Variants in CUX1 observed in about 807,000 individuals in gnomAD.
The protein encoded by CUX1 is protein CASP.
A neutral mutation model predicts 158.8 loss-of-function variants in CUX1; 31 were observed. That is an observed-to-expected ratio of 0.20 (90% CI 0.15 to 0.26). The LOEUF (loss-of-function observed/expected upper bound fraction) is 0.26, where lower values mean the gene tolerates loss of function less well. CUX1 is among the 10% of genes least tolerant of loss of function. The pLI is 1.00. For synonymous variants in CUX1, 879 were observed against 862.1 expected (o/e 1.02, Z -0.34); for missense variants, 1,589 against 2,014.6 (o/e 0.79, Z 4.04).
At chr7:101,958,230 A>AAATGAC (rs1810003873) in intron 2 of CUX1, among the ~76,000 whole-genome samples, 2 of 152,252 alleles carry the variant, frequency 1.3e-5, no homozygotes, top group African/African-American at 2.4e-5. Flanking sequence ...CAGGTAACAG[A>AAATGAC]AATGACAGCG....
At chr7:101,865,387 G>A (rs1293655435) in intron 1 of CUX1, among the ~76,000 whole-genome samples, 1 of 152,220 alleles carries the variant, frequency 6.6e-6, no homozygotes, top group Non-Finnish European at 1.5e-5. Context: ...TGATGTGGTG[G>A]AGGCACTGAT....
At chr7:101,817,202 G>A (rs1262456608), upstream of CUX1, 1 of 984,298 alleles carries the variant, frequency 1.0e-6, no homozygotes, top group South Asian at 4.7e-5. The surrounding 1 kb of genome is among the most constrained non-coding windows in gnomAD (Gnocchi z 4.1). Context: ...TGCCCGGGCA[G>A]TGTACGCTGC....
intron 21 of CUX1, among the ~76,000 whole-genome samples, chr7:102,228,514 G>T (rs1554529509): frequency 6.6e-6 from 1 of 152,046 alleles, no homozygotes; most frequent in African/African-American, 2.4e-5. Context: ...TAAAAATTAG[G>T]CCGGGCATAG....
chr7:101,977,509 G>A (rs918912378), intron 2 of CUX1, among the ~76,000 whole-genome samples: 1 of 152,142 alleles, frequency 6.6e-6, no homozygotes, highest in African/African-American at 2.4e-5. Context: ...AGGCATGATG[G>A]TGCACACCTG....
chr7:102,199,187 G>A (rs531763061), intron 16 of CUX1, among the ~76,000 whole-genome samples: 17 of 152,248 alleles, frequency 1.1e-4, no homozygotes, highest in African/African-American at 1.4e-4. Context: ...AAATAACAGC[G>A]GTTGCTCTGA....
intron 14 of CUX1, among the ~76,000 whole-genome samples, chr7:102,263,604 CTG>C (rs1790577507): frequency 2.6e-5 from 4 of 152,014 alleles, no homozygotes; most frequent in African/African-American, 7.2e-5. Flanking sequence ...ATGTGAGCCA[CTG>C]CGCCCAGCCG....
At chr7:102,247,151 A>T (rs1800895538) in intron 23 of CUX1, among the ~76,000 whole-genome samples, 1 of 151,728 alleles carries the variant, frequency 6.6e-6, no homozygotes. Flanking sequence ...CTATGATCAC[A>T]CCACTGCATT....
At chr7:102,103,062 G>A (rs1829952606) in intron 5 of CUX1, among the ~76,000 whole-genome samples, 1 of 152,166 alleles carries the variant, frequency 6.6e-6, no homozygotes, top group Non-Finnish European at 1.5e-5. Flanking sequence ...GCAGTTGGTG[G>A]TACCAGAGCC....
chr7:101,855,895 T>G (rs1212319259), intron 1 of CUX1, among the ~76,000 whole-genome samples: 1 of 62,772 alleles, frequency 1.6e-5, no homozygotes, highest in African/African-American at 5.4e-5. Context: ...AAAAAAAAAA[T>G]GCAGCTTAAG....
At position 102,253,316 on chromosome 7, in the gene CUX1, A is replaced by G. The variant is rs1173634776; in HGVS notation, c.*4274A>G. ...TGGCCAGGGCCAGCATCAGGCGTGCAGCTCATGACCAGTTTACACAGGCTG... is the reference window on the plus strand; with the variant it reads ...TGGCCAGGGCCAGCATCAGGCGTGCGGCTCATGACCAGTTTACACAGGCTG... On this transcript the variant is annotated 3_prime_UTR_variant, in exon 24 of 24. Transcript: ENST00000292535. The G allele has an allele frequency of 6.1e-6, 6 of 985,462 alleles. No individual in the cohort carries two copies. The highest frequency in any genetic ancestry group is 7.2e-6 in the Non-Finnish European group (6 of 830,040). 61.0% of individuals were successfully genotyped at this position (985,462 alleles called of 1,614,324 possible).
At chr7:101,967,730 G>A (rs995148830) in intron 2 of CUX1, among the ~76,000 whole-genome samples, 9 of 152,186 alleles carry the variant, frequency 5.9e-5, no homozygotes, top group Admixed American at 2.0e-4. Flanking sequence ...AAGGTCCCCA[G>A]AAACATATAA....
chr7:102,031,136 A>G (rs868391705), intron 3 of CUX1, among the ~76,000 whole-genome samples: 1 of 152,148 alleles, frequency 6.6e-6, no homozygotes, highest in Middle Eastern at 3.4e-3. Context: ...TCAGCTCACC[A>G]CAACCTCCAC....
At chr7:102,042,398 T>C (rs1349165634) in intron 3 of CUX1, among the ~76,000 whole-genome samples, 2 of 152,176 alleles carry the variant, frequency 1.3e-5, no homozygotes, top group Admixed American at 1.3e-4. Context: ...AAGAGCTCTT[T>C]CTCCTGGTAA....
intron 6 of CUX1, among the ~76,000 whole-genome samples, chr7:102,108,771 T>TGTGTGTGTGTGTGTGTGTGTGTGTG (rs1554489271): frequency 6.6e-6 from 1 of 151,120 alleles, no homozygotes; most frequent in African/African-American, 2.4e-5. Flanking sequence ...TGTGTGTGTG[T>TGTGTGTGTGTGTGTGTGTGTGTGTG]TTTGAGACAA....
intron 3 of CUX1, among the ~76,000 whole-genome samples, chr7:102,057,662 G>A (rs1824316972): frequency 1.3e-5 from 2 of 152,170 alleles, no homozygotes; most frequent in African/African-American, 4.8e-5. Context: ...CTGAAGATGT[G>A]ACTGAATTGC....
chr7:102,150,962 G>A (rs768596651), intron 8 of CUX1, among the ~76,000 whole-genome samples: 6 of 152,186 alleles, frequency 3.9e-5, no homozygotes, highest in Non-Finnish European at 8.8e-5. Flanking sequence ...CAAACAATAT[G>A]TGCGGTTATT....
At chr7:102,200,545 C>T (rs574689177) in intron 17 of CUX1, among the ~76,000 whole-genome samples, 57 of 152,112 alleles carry the variant, frequency 3.7e-4, no homozygotes, top group African/African-American at 1.3e-3. Flanking sequence ...TTTACCATGT[C>T]GGCCAGGCTG....
intron 3 of CUX1, among the ~76,000 whole-genome samples, chr7:102,055,970 C>G (rs1824077052): frequency 6.6e-6 from 1 of 152,208 alleles, no homozygotes. Flanking sequence ...CCAGCCACAA[C>G]ATTCTCTTAA....
chr7:101,910,266 C>T (rs1325031089), intron 1 of CUX1, among the ~76,000 whole-genome samples: 2 of 152,104 alleles, frequency 1.3e-5, no homozygotes, highest in Non-Finnish European at 2.9e-5. Flanking sequence ...CCCGCCTTAG[C>T]CCCCCAAGTA....
Sources: allele counts gnomAD v4.1 joint callset (sites outside exome capture counted in the v4.1 genomes callset), GRCh38; gene constraint gnomAD v4.1.1; non-coding constraint Gnocchi (gnomAD v3.1); transcripts MANE v1.5; gene names NCBI Gene and HGNC (gene_info 2026-07-23, HGNC 2026-07-21).